ITSN1: variants seen among roughly 807,000 people sequenced by gnomAD.
ITSN1 encodes the protein intersectin 1, also known as intersectin-1.
In ITSN1, 58 loss-of-function variants were observed where a neutral mutation model predicts 239.8. The observed-to-expected ratio is 0.24, with a 90% confidence interval of 0.20 to 0.30. The LOEUF (loss-of-function observed/expected upper bound fraction) is 0.30. ITSN1 is among the 10% of genes least tolerant of loss of function. The probability of loss-of-function intolerance (pLI) is 1.00; values close to 1 mark genes in which losing one functional copy is unlikely to be tolerated. For missense variants in ITSN1, 1,558 were observed against 2,103.3 expected, an observed-to-expected ratio of 0.74 and a Z score of 5.07; for synonymous variants, 780 against 770.8, an observed-to-expected ratio of 1.01 and a Z score of -0.20.
At chr21:33,864,228 T>C (rs116785019) in intron 31 of ITSN1, among the ~76,000 whole-genome samples, 251 of 152,304 alleles carry the variant, frequency 1.6e-3, no homozygotes, top group African/African-American at 5.8e-3. Flanking sequence ...GTTAAAGTCA[T>C]AGGTTATACC....
chr21:33,643,304 A>C (rs565869816), intron 1 of ITSN1: 3 of 152,132 alleles, frequency 2.0e-5, no homozygotes, highest in Non-Finnish European at 4.4e-5. Flanking sequence ...AGGCATTTAA[A>C]GGGGAGCGTC....
rs1986415969 is a variant in ITSN1, at chr21:33,892,317, C to T, written c.*4017C>T. 1 of 152,234 alleles carries T rather than the reference C, an allele frequency of 6.6e-6. No homozygotes were observed. The highest frequency in any genetic ancestry group is 1.5e-5 in the Non-Finnish European group (1 of 68,054). 9.4% of individuals were successfully genotyped at this position (152,234 alleles called of 1,614,324 possible). ...CATAAGAGGCATTAGGGAAAACTAA[C>T]ACCTCCTTCTTTTTGCACCGTGGGG... is the stretch of plus-strand genomic sequence containing the variant. On this transcript the variant is annotated 3_prime_UTR_variant, in exon 40 of 40. Coordinates refer to ENST00000381318, the MANE Select transcript of ITSN1 (RefSeq NM_003024.3).
intron 1 of ITSN1, among the ~76,000 whole-genome samples, chr21:33,705,547 C>T (rs2092219561): frequency 6.6e-6 from 1 of 150,398 alleles, no homozygotes; most frequent in South Asian, 2.1e-4. Context: ...GCCACCACAC[C>T]CGGCTAATTT....
intron 29 of ITSN1, among the ~76,000 whole-genome samples, chr21:33,849,556 ACT>A (rs2075092426): frequency 1.4e-5 from 2 of 140,748 alleles, no homozygotes; most frequent in African/African-American, 2.7e-5. Context: ...ACAGAGCAAG[ACT>A]CTGTCTCAAA....
chr21:33,717,729 T>TG lies in ITSN1; in HGVS notation c.-32-1068_-32-1067insG, dbSNP rs544780612. On this transcript the variant is annotated intron_variant, in intron 1 of 39. Coordinates refer to ENST00000381318, the MANE Select transcript of ITSN1 (RefSeq NM_003024.3). ...CGCCACCACGCCCAGCTAATTTTTTTTGTGTGTGTGTGTGTTTCCAGTAGA... is the reference window on the plus strand; with the variant it reads ...CGCCACCACGCCCAGCTAATTTTTTTGTGTGTGTGTGTGTGTTTCCAGTAGA... Among the ~76,000 whole-genome samples, 370 of 151,652 alleles carry TG rather than the reference T, an allele frequency of 2.4e-3. 1 individual carries two copies. Among genetic ancestry groups the TG allele is most frequent in the East Asian group, 0.017 (87 of 5,106 alleles).
chr21:33,745,676 A>G (rs914945127), intron 5 of ITSN1, among the ~76,000 whole-genome samples: 1 of 152,118 alleles, frequency 6.6e-6, no homozygotes, highest in Non-Finnish European at 1.5e-5. Flanking sequence ...TTGCTTTGGG[A>G]GTGGGAAGTC....
At chr21:33,705,415 T>G (rs1479674544) in intron 1 of ITSN1, among the ~76,000 whole-genome samples, 1 of 152,074 alleles carries the variant, frequency 6.6e-6, no homozygotes, top group Admixed American at 6.6e-5. Context: ...TGAGACAGAG[T>G]CTCGCTCTAT....
intron 1 of ITSN1, among the ~76,000 whole-genome samples, chr21:33,711,023 C>T (rs1462148905): frequency 6.6e-6 from 1 of 152,000 alleles, no homozygotes; most frequent in Non-Finnish European, 1.5e-5. Context: ...GATCTCCTGA[C>T]CTCGTGATCC....
At chr21:33,745,565 T>C (rs2067130102) in intron 5 of ITSN1, among the ~76,000 whole-genome samples, 1 of 152,206 alleles carries the variant, frequency 6.6e-6, no homozygotes, top group African/African-American at 2.4e-5. Flanking sequence ...TTGCATTCTT[T>C]CCTGGGCATT....
At chr21:33,832,527 C>T (rs898632433) in intron 27 of ITSN1, among the ~76,000 whole-genome samples, 2 of 152,262 alleles carry the variant, frequency 1.3e-5, no homozygotes, top group Non-Finnish European at 2.9e-5. Flanking sequence ...GAGCTCCTGG[C>T]GCTGTCACCA....
At chr21:33,856,374 CCAG>C (rs1979343432) in intron 29 of ITSN1, among the ~76,000 whole-genome samples, 1 of 152,102 alleles carries the variant, frequency 6.6e-6, no homozygotes. Flanking sequence ...CTGGCAGGTG[CCAG>C]CCTCACTCTG....
intron 1 of ITSN1, among the ~76,000 whole-genome samples, chr21:33,646,096 CAGTT>C (rs942298822): frequency 6.6e-6 from 1 of 152,168 alleles, no homozygotes; most frequent in Non-Finnish European, 1.5e-5. Flanking sequence ...ATTAATCTAT[CAGTT>C]AGTGGCATAT....
At chr21:33,881,933 G>A (rs1369867110) in intron 34 of ITSN1, among the ~76,000 whole-genome samples, 1 of 135,840 alleles carries the variant, frequency 7.4e-6, no homozygotes, top group Non-Finnish European at 1.5e-5. Context: ...GCAACATAGT[G>A]AGACCCTGTC....
At position 33,897,692 on chromosome 21, in the gene ITSN1, T is replaced by A. The variant is rs1986861850; in HGVS notation, c.*9392T>A. On this transcript the variant is annotated 3_prime_UTR_variant, in exon 40 of 40. Transcript: ENST00000381318. ...CTGTAGTCAAAAATATTTAACTTGT[T>A]ATTGTAAAATGTGATTTGTCATTGA... The A allele has an allele frequency of 6.6e-6, 1 of 152,248 alleles. No homozygotes were observed. Among genetic ancestry groups the A allele is most frequent in the South Asian group, 2.1e-4 (1 of 4,834 alleles). The allele number at this position is 152,248 out of a possible 1,614,324, so 9.4% of individuals were successfully genotyped here.
chr21:33,771,858 G>A (rs1431658054), intron 11 of ITSN1, among the ~76,000 whole-genome samples: 1 of 152,190 alleles, frequency 6.6e-6, no homozygotes, highest in Non-Finnish European at 1.5e-5. Flanking sequence ...TTTAGAAACA[G>A]TGTTTGGCGT....
chr21:33,643,244 G>A (rs926084229), intron 1 of ITSN1: 9 of 152,066 alleles, frequency 5.9e-5, no homozygotes, highest in Admixed American at 5.9e-4. Flanking sequence ...GGTCAGTGAA[G>A]GGCAGGCAAT....
chr21:33,664,601 G>T (rs116128734), intron 1 of ITSN1, among the ~76,000 whole-genome samples: 1 of 152,158 alleles, frequency 6.6e-6, no homozygotes, highest in East Asian at 1.9e-4. Flanking sequence ...GTAACCATAA[G>T]CAAGCTATTT....
At chr21:33,856,569 C>T (rs940533622) in intron 29 of ITSN1, among the ~76,000 whole-genome samples, 167 bp from the exon 30 acceptor site, 5 of 152,118 alleles carry the variant, frequency 3.3e-5, no homozygotes, top group African/African-American at 1.2e-4. Flanking sequence ...TCACAGGTAC[C>T]AGGGGGTAGG....
chr21:33,875,024 G>T (rs984859957), intron 33 of ITSN1, among the ~76,000 whole-genome samples: 1 of 152,250 alleles, frequency 6.6e-6, no homozygotes, highest in Non-Finnish European at 1.5e-5. Flanking sequence ...GAGTCTGCAT[G>T]TGTGGCTTGG....
Sources: gnomAD v4.1 joint callset for allele counts (sites outside exome capture counted in the v4.1 genomes callset) on GRCh38, gnomAD v4.1.1 for gene constraint, MANE v1.5 for transcripts, NCBI Gene and HGNC (gene_info 2026-07-23, HGNC 2026-07-21) for gene names.